The following RREB1 variants were observed in gnomAD, a reference collection of about 807,000 sequenced individuals.
The protein encoded by RREB1 is ras-responsive element-binding protein 1.
Under a neutral mutation model 117.8 loss-of-function variants are expected in RREB1, and 27 were observed. That is an observed-to-expected ratio of 0.23 (90% confidence interval 0.17 to 0.32). The LOEUF is 0.32. Among genes scored for constraint, RREB1 ranks in the 10% least tolerant of loss-of-function variants. RREB1 has a pLI of 1.00. For synonymous variants in RREB1, 1,298 were observed against 1,026.7 expected (o/e 1.26, Z -5.05); for missense variants, 2,577 against 2,378.2 (o/e 1.08, Z -1.74).
chr6:7,149,218 T>A (rs1358753469), intron 1 of RREB1, among the ~76,000 whole-genome samples: 1 of 152,218 alleles, frequency 6.6e-6, no homozygotes, highest in Non-Finnish European at 1.5e-5. Flanking sequence ...CCACCACGCC[T>A]GGCCATTTGT....
Position 7,207,492 on chromosome 6 carries a change from C to T in RREB1, c.426-3312C>T, listed in dbSNP as rs1039684378. On this transcript the variant is annotated intron_variant, in intron 6 of 12. Transcript: ENST00000379938. Reference sequence around the variant, plus strand: ...GTTTGATAGCAGTAAATGAAGGAATCGTGGGGATTGTGATTGACAACAAAC... The same window carrying T: ...GTTTGATAGCAGTAAATGAAGGAATTGTGGGGATTGTGATTGACAACAAAC... 5.3e-5 allele frequency among the ~76,000 whole-genome samples: 8 copies of T among 152,134 alleles called. No individual in the cohort carries two copies. The East Asian group carries it at 5.8e-4, about 11-fold the overall frequency.
chr6:7,113,121 AC>A (rs1412462808), intron 1 of RREB1, among the ~76,000 whole-genome samples: 1 of 136,700 alleles, frequency 7.3e-6, no homozygotes, highest in Non-Finnish European at 1.7e-5. Context: ...GAATTCGAAA[AC>A]CTCTGTGAAG....
chr6:7,165,058 C>T (rs1267327755), intron 1 of RREB1, among the ~76,000 whole-genome samples: 1 of 152,222 alleles, frequency 6.6e-6, no homozygotes, highest in African/African-American at 2.4e-5. Context: ...AGTAAGTTCT[C>T]TTCTCGGAAG....
In RREB1 at chr6:7,247,144, G is replaced by A; in HGVS notation, c.4694G>A (p.Arg1565Lys). Residue 1565 changes from arginine to lysine, a missense_variant, in exon 12 of 13, where the codon AGG becomes AAG. Physicochemically the swap from Arg to Lys is conservative, Grantham distance 26. Transcript: ENST00000379938. ...AGCGTGGCCAGCAAGGCAGACAAGA[G>A]GAAGAAGGTCTGCAGCGTGTGCAAC... ...PKSVASKADKRKKVCSVCNKR... is the reference protein window; with the variant it reads ...PKSVASKADKKKKVCSVCNKR... 1 of 1,613,980 alleles carries A rather than the reference G, an allele frequency of 6.2e-7. No homozygotes were observed. The highest frequency in any genetic ancestry group is 8.5e-7 in the Non-Finnish European group (1 of 1,180,018).
At chr6:7,243,906 TAGAAG>T (rs1768860041) in intron 11 of RREB1, among the ~76,000 whole-genome samples, 1 of 148,830 alleles carries the variant, frequency 6.7e-6, no homozygotes. Flanking sequence ...AAAAAAAAAA[TAGAAG>T]TGTAGTCTAG....
In RREB1 at chr6:7,246,524, C is replaced by CCAGGTCGCAGGGGATGCGCCTGTGGAG. The variant is rs1769039418; in HGVS notation, c.4079_4105dup (p.Val1360_Gln1368dup). ...CGTCGGAGGGCGCCACTGAGCTCCG[C>CCAGGTCGCAGGGGATGCGCCTGTGGAG]CAGGTCGCAGGGGATGCGCCTGTGG... On this transcript the variant is annotated inframe_insertion, in exon 12 of 13. Coordinates refer to ENST00000379938, the MANE Select transcript of RREB1 (RefSeq NM_001003699.4). 1 of 1,546,724 alleles carries CCAGGTCGCAGGGGATGCGCCTGTGGAG rather than the reference C, an allele frequency of 6.5e-7. No individual in the cohort carries two copies.
intron 6 of RREB1, among the ~76,000 whole-genome samples, chr6:7,200,208 GTA>G (rs1719042298): frequency 1.4e-5 from 2 of 147,674 alleles, no homozygotes; most frequent in Admixed American, 6.7e-5. Context: ...ATATATGTAT[GTA>G]TGTGTGTGTA....
At chr6:7,190,209 A>G (rs777576276) in intron 6 of RREB1, among the ~76,000 whole-genome samples, 2 of 152,216 alleles carry the variant, frequency 1.3e-5, no homozygotes, top group Non-Finnish European at 2.9e-5. Context: ...CTCAACTGCT[A>G]CTTGTAAATT....
chr6:7,249,755 T>C lies in RREB1; in HGVS notation c.*787T>C, dbSNP rs2113215557. The C allele has an allele frequency of 6.6e-6, 1 of 152,172 alleles. No individual in the cohort carries two copies. 9.4% of individuals were successfully genotyped at this position (152,172 alleles called of 1,614,324 possible). ...CTATGGAAAACATGCACGGATAGGA[T>C]ATATTTGATTGCCTCCTCTTCCCTT... On this transcript the variant is annotated 3_prime_UTR_variant, in exon 13 of 13. Coordinates refer to ENST00000379938, the MANE Select transcript of RREB1 (RefSeq NM_001003699.4).
At chr6:7,202,220 G>A (rs552009750) in intron 6 of RREB1, among the ~76,000 whole-genome samples, 13 of 152,228 alleles carry the variant, frequency 8.5e-5, no homozygotes, top group East Asian at 3.9e-4. Context: ...GCGCATGGCC[G>A]ACCATCTGGG....
Position 7,132,110 on chromosome 6 carries a change from A to G in RREB1, c.-285+24050A>G, listed in dbSNP as rs549822111. Among the ~76,000 whole-genome samples the G allele has an allele frequency of 1.1e-4, 16 of 152,126 alleles. No homozygotes were observed. In the South Asian group the frequency reaches 3.3e-3, roughly 32 times the overall value. Reference sequence around the variant, plus strand: ...GCTCTTGTTGCCCAGGCTGGAGTACAATGGTGCAATCTCGGCTCACTGCAG... The same window carrying G: ...GCTCTTGTTGCCCAGGCTGGAGTACGATGGTGCAATCTCGGCTCACTGCAG... On this transcript the variant is annotated intron_variant, in intron 1 of 12. Transcript: ENST00000379938.
rs754603965 is a variant in RREB1 at position 7,231,448 on chromosome 6, C to T, written c.3349C>T (p.Pro1117Ser). The T allele has an allele frequency of 6.2e-6, 10 of 1,613,124 alleles. No homozygotes were observed. In the South Asian group the frequency reaches 9.9e-5, roughly 16 times the overall value. Residue 1117 changes from proline (P) to serine (S), a missense_variant, in exon 10 of 13, where the codon CCC becomes TCC. By Grantham distance (74) the Pro-to-Ser change is moderately conservative. Coordinates refer to ENST00000379938, the MANE Select transcript of RREB1 (RefSeq NM_001003699.4). ...SVPKAATTAT[P>S]AATTSPKESS... ...CCCCAAAGCCGCCACCACCGCCACC[C>T]CCGCTGCCACCACCAGCCCAAAAGA...
intron 12 of RREB1, 64 bp from the exon 13 acceptor site, chr6:7,248,447 G>C: frequency 7.1e-7 from 1 of 1,407,332 alleles, no homozygotes; most frequent in Non-Finnish European, 9.9e-7. Flanking sequence ...TTCCTGTGCA[G>C]AGCAGGGTGC....
intron 1 of RREB1, among the ~76,000 whole-genome samples, chr6:7,111,107 A>G (rs1761120615): frequency 6.6e-6 from 1 of 152,352 alleles, no homozygotes; most frequent in Non-Finnish European, 1.5e-5. Context: ...AGCGTGTTGA[A>G]GGAAGAAAAT....
At chr6:7,170,790 G>A (rs1298038956) in intron 1 of RREB1, among the ~76,000 whole-genome samples, 1 of 152,188 alleles carries the variant, frequency 6.6e-6, no homozygotes, top group Non-Finnish European at 1.5e-5. Flanking sequence ...CTCTGGAGGT[G>A]TATGATAAGC....
intron 4 of RREB1, 101 bp downstream of exon 4, chr6:7,182,183 G>T: frequency 1.8e-6 from 2 of 1,117,524 alleles, no homozygotes; most frequent in South Asian, 1.6e-5. Context: ...GAAGAATTGG[G>T]AATAAAACGG....
intron 1 of RREB1, among the ~76,000 whole-genome samples, chr6:7,135,154 T>A (rs956711493): frequency 1.1e-4 from 16 of 152,206 alleles, no homozygotes; most frequent in African/African-American, 3.4e-4. Context: ...TGATTATGAT[T>A]AAAACAGAAA....
At position 7,231,665 on chromosome 6, in the gene RREB1, A is replaced by G. The variant is rs1173135870; in HGVS notation, c.3566A>G (p.Asp1189Gly). 1 of 1,611,650 alleles carries G rather than the reference A, an allele frequency of 6.2e-7. No individual in the cohort carries two copies. Residue 1189 changes from aspartate (D) to glycine (G), a missense_variant, in exon 10 of 13, where the codon GAC (aspartate) becomes GGC (glycine). Coordinates refer to ENST00000379938, the MANE Select transcript of RREB1 (RefSeq NM_001003699.4). ...ATCGAGAAGATGCTGGCCACCACAG[A>G]CACCAACAAGTTCAGTCCGTTTCTG... is the stretch of plus-strand genomic sequence containing the variant. ...ASIEKMLATT[D>G]TNKFSPFLQT...
chr6:7,141,138 C>T lies in RREB1; in HGVS notation c.-285+33078C>T, dbSNP rs987508355. Among the ~76,000 whole-genome samples the T allele has an allele frequency of 3.3e-5, 5 of 152,190 alleles. 1 individual carries two copies. The highest frequency in any genetic ancestry group is 3.4e-3 in the Middle Eastern group (1 of 292). On this transcript the variant is annotated intron_variant, in intron 1 of 12. Transcript: ENST00000379938. ...CCACGGCCGCAGGGGCCCCCTCGGG[C>T]CGCCCCCAGGGCTCCCGCGGTGGGT...
Sources: allele counts gnomAD v4.1 joint callset (sites outside exome capture counted in the v4.1 genomes callset), GRCh38; gene constraint gnomAD v4.1.1; transcripts MANE v1.5; gene names NCBI Gene and HGNC (gene_info 2026-07-23, HGNC 2026-07-21).